The following NAPRT variants were observed in gnomAD, a reference collection of about 807,000 sequenced individuals.
The protein encoded by NAPRT is FHA-HIT-interacting protein.
Under a neutral mutation model 60.7 loss-of-function variants are expected in NAPRT, and 66 were observed. The ratio of observed to expected loss-of-function variants is 1.09; its 90% CI spans 0.89 to 1.33. The LOEUF is 1.33. NAPRT is among the 40% of genes most tolerant of loss of function. The pLI is 0.00. For missense variants in NAPRT, 818 were observed against 731.5 expected (o/e 1.12, Z -1.36); for synonymous variants, 405 against 335.7 (o/e 1.21, Z -2.26).
Position 143,577,295 on chromosome 8 carries a change from G to C in NAPRT, c.542C>G (p.Thr181Arg). The C allele has an allele frequency of 1.2e-6, 2 of 1,608,424 alleles. No homozygotes were observed. Among genetic ancestry groups the C allele is most frequent in the Non-Finnish European group, 1.7e-6 (2 of 1,178,182 alleles). Residue 181 changes from threonine (T) to arginine (R), a missense_variant, in exon 4 of 13, where the codon ACA becomes AGA. By Grantham distance (71) the Thr-to-Arg change is moderately conservative. Transcript: ENST00000449291. ...GCCCAGGTAGCTGTAGGTGGAGGCT[G>C]TCAGGCCCCCATCGGGGCCCTGAGC... ...RRAQGPDGGL[T>R]ASTYSYLGGF... is the part of the protein sequence containing the mutation.
Position 143,577,262 on chromosome 8 carries a change from C to T in NAPRT, c.568+7G>A. 1 of 1,608,608 alleles carries T rather than the reference C, an allele frequency of 6.2e-7. No homozygotes were observed. The highest frequency in any genetic ancestry group is 8.5e-7 in the Non-Finnish European group (1 of 1,177,416). ...GGCCCTTGCCTTGCCCCGCACCAGA[C>T]ACTCACCGCCCAGGTAGCTGTAGGT... On this transcript the variant is annotated splice_region_variant and intron_variant, in intron 4 of 12. Transcript: ENST00000449291.
chr8:143,574,308 G>T (rs1284281062), downstream of NAPRT, among the ~76,000 whole-genome samples: 2 of 152,236 alleles, frequency 1.3e-5, no homozygotes, highest in Non-Finnish European at 2.9e-5. Flanking sequence ...GTTGGCAGCA[G>T]CAGTGGCAGG....
At position 143,575,362 on chromosome 8, in the gene NAPRT, A is replaced by G; in HGVS notation, c.1292-17T>C. Reference sequence around the variant, plus strand: ...GTGGAGACCCTGTGTGGACGGGGCAAGAATAAGCGGGGGCCCTGGTGCTTT... The same window carrying G: ...GTGGAGACCCTGTGTGGACGGGGCAGGAATAAGCGGGGGCCCTGGTGCTTT... On this transcript the variant is annotated splice_polypyrimidine_tract_variant and intron_variant, in intron 10 of 12. Coordinates refer to ENST00000449291, the MANE Select transcript of NAPRT (RefSeq NM_145201.6). 6.2e-7 allele frequency: 1 copy of G among 1,604,082 alleles called. No individual in the cohort carries two copies. Among genetic ancestry groups the G allele is most frequent in the Non-Finnish European group, 8.5e-7 (1 of 1,172,756 alleles).
chr8:143,577,201 G>C, intron 4 of NAPRT, 24 bp from the exon 5 acceptor site: 1 of 1,606,634 alleles, frequency 6.2e-7, no homozygotes, highest in Non-Finnish European at 8.5e-7. Context: ...CGGTGGGATT[G>C]GGGGACCTCG....
At position 143,574,973 on chromosome 8, in the gene NAPRT, G is replaced by A; in HGVS notation, c.1554+13C>T. 3 of 1,545,506 alleles carry A rather than the reference G, an allele frequency of 1.9e-6. No individual in the cohort carries two copies. Among genetic ancestry groups the A allele is most frequent in the Non-Finnish European group, 2.6e-6 (3 of 1,144,114 alleles). ...CGCACAGGGCAGAATGACAGGGTGG[G>A]CCTCCCCCCAACCTGGTACTGTGCA... On this transcript the variant is annotated intron_variant, in intron 12 of 12. Transcript: ENST00000449291.
At position 143,578,287 on chromosome 8, in the gene NAPRT, G is replaced by A. The variant is rs962049312; in HGVS notation, c.32C>T (p.Ala11Val). MAAEQDPEAR[A>V]AARPLLTDLY... The stretch of plus-strand genomic sequence containing the variant: ...GTCAGTGAGCAGCGGCCGCGCCGCC[G>A]CGCGCGCCTCGGGGTCCTGCTCCGC... The change falls in exon 1 of 13, where the codon GCG becomes GTG. Residue 11 changes from alanine to valine, a missense_variant. Physicochemically the swap from Ala to Val is moderately conservative, Grantham distance 64. Coordinates refer to ENST00000449291, the MANE Select transcript of NAPRT (RefSeq NM_145201.6). The A allele has an allele frequency of 1.4e-6, 2 of 1,408,330 alleles. No homozygotes were observed. The highest frequency in any genetic ancestry group is 1.8e-6 in the Non-Finnish European group (2 of 1,088,534). The allele number at this position is 1,408,330 out of a possible 1,614,324, so 87.2% of individuals were successfully genotyped here. A position where few individuals can be genotyped will look rare whatever the true frequency, so the allele number is the denominator to read the frequency against.
rs543511695 is a variant in NAPRT, at chr8:143,575,103, G to A, written c.1447-10C>T. The A allele has an allele frequency of 1.3e-6, 2 of 1,534,242 alleles. No homozygotes were observed. Among genetic ancestry groups the A allele is most frequent in the Admixed American group, 2.0e-5 (1 of 50,034 alleles). ...GGAGCGGCTCACACAGCTGCAGGGA[G>A]GAGGTAAGGAAAGAGAAGCTTGGGG... is the stretch of plus-strand genomic sequence containing the variant. On this transcript the variant is annotated splice_polypyrimidine_tract_variant and intron_variant, in intron 11 of 12. Transcript: ENST00000449291.
At chr8:143,577,564 G>A (rs367954052) in intron 3 of NAPRT, 93 bp downstream of exon 3, 21 of 1,489,266 alleles carry the variant, frequency 1.4e-5, no homozygotes, top group Non-Finnish European at 1.7e-5. Context: ...GGGACCCCTG[G>A]GCAGCCAGCC....
chr8:143,573,781 C>G (rs1197367663), downstream of NAPRT: 1 of 152,338 alleles, frequency 6.6e-6, no homozygotes, highest in Non-Finnish European at 1.5e-5. Context: ...GTGTGTGAGT[C>G]TGTATCTCTC....
At chr8:143,574,925 G>T in intron 12 of NAPRT, 25 bp from the exon 13 acceptor site, 1 of 1,550,424 alleles carries the variant, frequency 6.4e-7, no homozygotes, top group South Asian at 1.2e-5. Flanking sequence ...GGACAGGAGC[G>T]GTGGGCAGGG....
At position 143,576,464 on chromosome 8, in the gene NAPRT, C is replaced by A; in HGVS notation, c.990G>T (p.Glu330Asp). The change falls in exon 7 of 13, where the codon GAG becomes GAT. Residue 330 changes from glutamate (E) to aspartate (D), a missense_variant. Transcript: ENST00000449291. ...CAGCAGCTCGGAAGACCTTGCGGATCTCCTGAGCCTGCTGTAGCAGGTCAC... is the reference window on the plus strand; with the variant it reads ...CAGCAGCTCGGAAGACCTTGCGGATATCCTGAGCCTGCTGTAGCAGGTCAC... ...DSGDLLQQAQ[E>D]IRKVFRAAAA... The A allele has an allele frequency of 1.2e-6, 2 of 1,611,546 alleles. No individual in the cohort carries two copies. The highest frequency in any genetic ancestry group is 1.7e-6 in the Non-Finnish European group (2 of 1,179,112).
Position 143,575,245 on chromosome 8 carries a change from G to T in NAPRT, c.1392C>A (p.Thr464=). ...VWPPGAQEPC[T]VRPAQVEPLL... is the part of the protein sequence containing the mutation. Reference sequence around the variant, plus strand: ...GTGGCTCCACCTGGGCTGGCCTCACGGTGCAGGGCTCCTGGGCCCCTGGAG... The same window carrying T: ...GTGGCTCCACCTGGGCTGGCCTCACTGTGCAGGGCTCCTGGGCCCCTGGAG... The change falls in exon 11 of 13, where the codon ACC becomes ACA. Residue 464 remains threonine, a synonymous_variant. Transcript: ENST00000449291. The T allele has an allele frequency of 6.2e-7, 1 of 1,612,380 alleles. No homozygotes were observed. Among genetic ancestry groups the T allele is most frequent in the East Asian group, 2.2e-5 (1 of 44,868 alleles).
intron 3 of NAPRT, 98 bp from the exon 4 acceptor site, chr8:143,577,497 C>A: frequency 6.8e-7 from 1 of 1,465,968 alleles, no homozygotes; most frequent in Non-Finnish European, 9.2e-7. Context: ...CCTGGGAGCT[C>A]CACCCTCACC....
chr8:143,577,832 G>A lies in NAPRT; in HGVS notation c.338C>T (p.Ser113Phe), dbSNP rs1280282776. 2 of 1,610,250 alleles carry A rather than the reference G, an allele frequency of 1.2e-6. No homozygotes were observed. The highest frequency in any genetic ancestry group is 2.2e-5 in the East Asian group (1 of 44,788). ...CCTACTCACTCCGGGGAAGGCGAGG[G>A]AGCCCTCGGGCAGGGCTCGCACCGT... is the stretch of plus-strand genomic sequence containing the variant. ...EVTVRALPEGSLAFPGVPLLQ... is the reference protein window; with the variant it reads ...EVTVRALPEGFLAFPGVPLLQ... Residue 113 changes from serine (S) to phenylalanine (F), a missense_variant, in exon 2 of 13, where the codon TCC becomes TTC. Transcript: ENST00000449291.
In NAPRT at chr8:143,577,744, G is replaced by A. The variant is rs1218479214; in HGVS notation, c.355-5C>T. On this transcript the variant is annotated splice_region_variant and splice_polypyrimidine_tract_variant and intron_variant, in intron 2 of 12. Coordinates refer to ENST00000449291, the MANE Select transcript of NAPRT (RefSeq NM_145201.6). ...GGACACCTGCAGGAGCGGCACCTGC[G>A]GGGAGAGAAGTCAGCTCCGCGCTCG... 2.9e-5 allele frequency: 45 copies of A among 1,553,290 alleles called. No individual in the cohort carries two copies. Among genetic ancestry groups the A allele is most frequent in the Non-Finnish European group, 3.7e-5 (43 of 1,151,596 alleles).
chr8:143,576,685 C>G lies in NAPRT; in HGVS notation c.842G>C (p.Arg281Pro). 6.2e-7 allele frequency: 1 copy of G among 1,611,154 alleles called. No individual in the cohort carries two copies. Among genetic ancestry groups the G allele is most frequent in the Non-Finnish European group, 8.5e-7 (1 of 1,179,430 alleles). ...GGTGTCCAGGAGGCCCTGGAAGGCCCGGGGAAAAGCCAAGGCATAGGCCAC... is the reference window on the plus strand; with the variant it reads ...GGTGTCCAGGAGGCCCTGGAAGGCCGGGGGAAAAGCCAAGGCATAGGCCAC... ...AFVAYALAFP[R>P]AFQGLLDTYS... The change falls in exon 6 of 13, where the codon CGG (arginine) becomes CCG (proline). Residue 281 changes from arginine to proline, a missense_variant. Arg to Pro is a moderately radical substitution (Grantham distance 103). Transcript: ENST00000449291.
intron 6 of NAPRT, 34 bp downstream of exon 6, chr8:143,576,612 C>G: frequency 3.1e-6 from 5 of 1,605,290 alleles, no homozygotes; most frequent in Non-Finnish European, 4.3e-6. Context: ...TGCTGAGGTT[C>G]TGCTGAGCCC....
chr8:143,576,606 G>A, intron 6 of NAPRT, 34 bp from the exon 7 acceptor site: 8 of 1,606,008 alleles, frequency 5.0e-6, no homozygotes, highest in Non-Finnish European at 6.8e-6. Context: ...AGAGGCTGCT[G>A]AGGTTCTGCT....
At chr8:143,573,211 GC>G (rs559276417), downstream of NAPRT, among the ~76,000 whole-genome samples, 415 of 152,302 alleles carry the variant, frequency 2.7e-3, 2 homozygotes, top group Non-Finnish European at 4.2e-3. Context: ...CGCTGGCTCC[GC>G]CCCCTGCACG....
Sources: gnomAD v4.1 joint callset for allele counts (sites outside exome capture counted in the v4.1 genomes callset) on GRCh38, gnomAD v4.1.1 for gene constraint, MANE v1.5 for transcripts, NCBI Gene and HGNC (gene_info 2026-07-23, HGNC 2026-07-21) for gene names.